The following CNOT11 variants were observed in gnomAD, a reference collection of about 807,000 sequenced individuals.
CNOT11 encodes the protein UPF0760 protein C2orf29.
A neutral mutation model predicts 44.6 loss-of-function variants in CNOT11; 18 were observed. That is an observed-to-expected ratio of 0.40 (90% CI 0.28 to 0.60). The LOEUF (loss-of-function observed/expected upper bound fraction) is 0.60. Among genes scored for constraint, CNOT11 ranks in the 20% least tolerant of loss-of-function variants. The pLI, the probability that CNOT11 is intolerant of heterozygous loss-of-function variation, is 0.38. For missense variants in CNOT11, 513 were observed against 677.0 expected (o/e 0.76, Z 2.69); for synonymous variants, 291 against 270.9 (o/e 1.07, Z -0.73).
chr2:101,263,065 T>C (rs1431998162), intron 3 of CNOT11, among the ~76,000 whole-genome samples: 2 of 151,920 alleles, frequency 1.3e-5, no homozygotes, highest in Non-Finnish European at 2.9e-5. Context: ...CTACTAAAAA[T>C]AAAAAATTAG....
At chr2:101,265,170 G>C (rs1038828253) in intron 4 of CNOT11, 123 bp downstream of exon 4, 2 of 568,618 alleles carry the variant, frequency 3.5e-6, no homozygotes, top group African/African-American at 3.8e-5. Flanking sequence ...GCACGATCTC[G>C]GCTCACTGCA....
At chr2:101,254,541 C>T (rs1343324324) in intron 1 of CNOT11, among the ~76,000 whole-genome samples, 1 of 152,088 alleles carries the variant, frequency 6.6e-6, no homozygotes, top group African/African-American at 2.4e-5. Flanking sequence ...TTCTAAGAAG[C>T]TTGTGACTGC....
At position 101,264,956 on chromosome 2, in the gene CNOT11, C is replaced by T. The variant is rs1259178591; in HGVS notation, c.944C>T (p.Ser315Leu). The change falls in exon 4 of 7, where the codon TCG (serine) becomes TTG (leucine). Residue 315 changes from serine (S) to leucine (L), a missense_variant. Ser to Leu is a moderately radical substitution (Grantham distance 145). This residue lies in a region of CNOT11 where 140 missense variants were observed against 169.8 expected (regional missense o/e 0.82). Transcript: ENST00000289382. ...EPDHAIQWDK[S>L]MCVKNSTGVE... is the part of the protein sequence containing the mutation. ...GACCACGCGATCCAGTGGGATAAATCGATGTGTGTTAAGAATAGCACTGGT... is the reference window on the plus strand; with the variant it reads ...GACCACGCGATCCAGTGGGATAAATTGATGTGTGTTAAGAATAGCACTGGT... 35 of 1,613,944 alleles carry T rather than the reference C, an allele frequency of 2.2e-5. No individual in the cohort carries two copies. The highest frequency in any genetic ancestry group is 3.0e-5 in the Non-Finnish European group (35 of 1,179,978).
Position 101,253,004 on chromosome 2 carries a change from C to T in CNOT11, c.40C>T (p.Leu14Phe), listed in dbSNP as rs1376213609. Residue 14 changes from leucine to phenylalanine, a missense_variant, in exon 1 of 7, where the codon CTC (leucine) becomes TTC (phenylalanine). Physicochemically the swap from Leu to Phe is conservative, Grantham distance 22 (BLOSUM62 0). This residue lies in a region of CNOT11 where 259 missense variants were observed against 265.7 expected (regional missense o/e 0.97). Transcript: ENST00000289382. This position sits in a 1 kb window ranked among gnomAD's most constrained non-coding sequence, Gnocchi z 4.3. ...GGASAASGRL[L>F]TAAEQRGSRE... Reference sequence around the variant, plus strand: ...GGCGAGCGCGGCGTCTGGCCGGCTTCTCACCGCCGCGGAGCAAAGAGGGTC... The same window carrying T: ...GGCGAGCGCGGCGTCTGGCCGGCTTTTCACCGCCGCGGAGCAAAGAGGGTC... 1 of 1,499,722 alleles carries T rather than the reference C, an allele frequency of 6.7e-7. No individual in the cohort carries two copies. Among genetic ancestry groups the T allele is most frequent in the Non-Finnish European group, 8.8e-7 (1 of 1,131,596 alleles). The allele number at this position is 1,499,722 out of a possible 1,614,324, so 92.9% of individuals were successfully genotyped here. A position where few individuals can be genotyped will look rare whatever the true frequency, so the allele number is the denominator to read the frequency against.
rs1347211108 is a variant in CNOT11 at position 101,264,872 on chromosome 2, C to T, written c.860C>T (p.Pro287Leu). The part of the protein sequence containing the change: ...ESHFRPEFIR[P>L]PPPLHICEDE... ...CATTTTCGACCAGAGTTTATTCGTC[C>T]ACCGCCTCCACTCCACATTTGTGAG... The change falls in exon 4 of 7, where the codon CCA becomes CTA. Residue 287 changes from proline to leucine, a missense_variant. Around this residue, in one of 4 missense-constraint regions of CNOT11, gnomAD observed 140 missense variants for 169.8 expected, o/e 0.82. Coordinates refer to ENST00000289382, the MANE Select transcript of CNOT11 (RefSeq NM_017546.5). The T allele has an allele frequency of 6.2e-7, 1 of 1,614,058 alleles. No homozygotes were observed. The highest frequency in any genetic ancestry group is 1.1e-5 in the South Asian group (1 of 91,072).
intron 4 of CNOT11, among the ~76,000 whole-genome samples, chr2:101,265,744 C>T (rs1263926708): frequency 1.3e-5 from 2 of 152,052 alleles, no homozygotes; most frequent in East Asian, 3.9e-4. Context: ...GAAAACAAGG[C>T]TGGGAAGGGG....
chr2:101,255,969 C>T (rs759485344), intron 1 of CNOT11, among the ~76,000 whole-genome samples: 1 of 152,086 alleles, frequency 6.6e-6, no homozygotes, highest in African/African-American at 2.4e-5. Flanking sequence ...GAAACCCCAT[C>T]TCTACCAAAA....
At chr2:101,254,051 T>C (rs1246803952) in intron 1 of CNOT11, among the ~76,000 whole-genome samples, 1 of 152,240 alleles carries the variant, frequency 6.6e-6, no homozygotes, top group Non-Finnish European at 1.5e-5. Context: ...ATACGTGGTA[T>C]ACATTATGTA....
chr2:101,264,681 C>T (rs1681939661), intron 3 of CNOT11, among the ~76,000 whole-genome samples, 164 bp from the exon 4 acceptor site: 1 of 152,130 alleles, frequency 6.6e-6, no homozygotes, highest in Non-Finnish European at 1.5e-5. Context: ...TGACTGAAAC[C>T]CTGACTTCCT....
rs989657898 is a variant in CNOT11, at chr2:101,269,861, A to C, written c.*448A>C. The C allele has an allele frequency of 6.4e-6, 1 of 155,088 alleles. No homozygotes were observed. Among genetic ancestry groups the C allele is most frequent in the African/African-American group, 2.4e-5 (1 of 41,488 alleles). 9.6% of individuals were successfully genotyped at this position (155,088 alleles called of 1,614,324 possible). On this transcript the variant is annotated 3_prime_UTR_variant, in exon 7 of 7. Transcript: ENST00000289382. This position sits in a 1 kb window ranked among gnomAD's most constrained non-coding sequence, Gnocchi z 4.8. ...CTGAACCATCAAGAGGCAAACAAAC[A>C]GGAGTTTGTTTCTTGAACCTGCTTA... is the stretch of plus-strand genomic sequence containing the variant.
chr2:101,256,638 A>G (rs1681739542), intron 1 of CNOT11, among the ~76,000 whole-genome samples: 1 of 152,218 alleles, frequency 6.6e-6, no homozygotes, highest in African/African-American at 2.4e-5. Flanking sequence ...TATTTATTCA[A>G]CTTCTACACA....
At chr2:101,265,782 G>A (rs1624668) in intron 4 of CNOT11, among the ~76,000 whole-genome samples, 22,262 of 152,028 alleles carry the variant, frequency 0.15, 2,095 homozygotes, top group South Asian at 0.31. Context: ...CAGCTGGATC[G>A]TGGTGTATTT....
Position 101,253,514 on chromosome 2 carries a change from G to T in CNOT11, c.514+36G>T. On this transcript the variant is annotated intron_variant, in intron 1 of 6. Coordinates refer to ENST00000289382, the MANE Select transcript of CNOT11 (RefSeq NM_017546.5). The surrounding 1 kb of genome is among the most constrained non-coding windows in gnomAD (Gnocchi z 4.3). ...AAGCCAGCTGTGCCGTGTGGATAGC[G>T]TTAGATTCCGCAGCTTTCCACCTGC... The T allele has an allele frequency of 7.1e-7, 1 of 1,401,282 alleles. No homozygotes were observed. The highest frequency in any genetic ancestry group is 9.2e-7 in the Non-Finnish European group (1 of 1,082,256). The allele number at this position is 1,401,282 out of a possible 1,614,324, so 86.8% of individuals were successfully genotyped here.
At position 101,264,010 on chromosome 2, in the gene CNOT11, G is replaced by A. The variant is rs1227119634; in HGVS notation, c.833-835G>A. On this transcript the variant is annotated intron_variant, in intron 3 of 6. Transcript: ENST00000289382. Reference sequence around the variant, plus strand: ...GTGAGGTAAGTGAAGAGGCAGTGGAGATGTTTAAGATAAAGTGATGATTTT... The same window carrying A: ...GTGAGGTAAGTGAAGAGGCAGTGGAAATGTTTAAGATAAAGTGATGATTTT... Among the ~76,000 whole-genome samples, 4 of 152,312 alleles carry A rather than the reference G, an allele frequency of 2.6e-5. No homozygotes were observed. The East Asian group carries it at 7.7e-4, about 29-fold the overall frequency.
At position 101,269,181 on chromosome 2, in the gene CNOT11, T is replaced by C. The variant is rs762705112; in HGVS notation, c.1336-35T>C. On this transcript the variant is annotated intron_variant, in intron 6 of 6. Coordinates refer to ENST00000289382, the MANE Select transcript of CNOT11 (RefSeq NM_017546.5). The surrounding 1 kb of genome is among the most constrained non-coding windows in gnomAD (Gnocchi z 4.8). ...ATTTTATAAATGGCTGCCAGGAAAA[T>C]GAGCAGACTAACATTTTTTTTTTTC... 4 of 1,602,458 alleles carry C rather than the reference T, an allele frequency of 2.5e-6. No homozygotes were observed. Among genetic ancestry groups the C allele is most frequent in the Admixed American group, 3.4e-5 (2 of 58,234 alleles).
intron 3 of CNOT11, among the ~76,000 whole-genome samples, chr2:101,263,557 T>C (rs1681915372): frequency 6.6e-6 from 1 of 152,228 alleles, no homozygotes; most frequent in South Asian, 2.1e-4. Flanking sequence ...ATCTGTTTTA[T>C]AGGCTTCTGT....
intron 5 of CNOT11, among the ~76,000 whole-genome samples, chr2:101,268,150 CA>C (rs1279531070): frequency 1.3e-5 from 2 of 152,320 alleles, no homozygotes; most frequent in African/African-American, 4.8e-5. Context: ...TAACCGTGGT[CA>C]CTGGCAAAAC....
rs748974138 is a variant in CNOT11, at chr2:101,252,972, G to A, written c.8G>A (p.Gly3Asp). 97 of 1,481,788 alleles carry A rather than the reference G, an allele frequency of 6.5e-5. No homozygotes were observed. Among genetic ancestry groups the A allele is most frequent in the Non-Finnish European group, 8.5e-5 (95 of 1,124,114 alleles). The allele number at this position is 1,481,788 out of a possible 1,614,324, so 91.8% of individuals were successfully genotyped here. MP[G>D]GGASAASGRL... ...GGAAGGGGAGCGAGGTTGATGCCCGGCGGAGGGGCGAGCGCGGCGTCTGGC... is the reference window on the plus strand; with the variant it reads ...GGAAGGGGAGCGAGGTTGATGCCCGACGGAGGGGCGAGCGCGGCGTCTGGC... The change falls in exon 1 of 7, where the codon GGC becomes GAC. Residue 3 changes from glycine (G) to aspartate (D), a missense_variant. Transcript: ENST00000289382.
At chr2:101,255,586 T>C (rs1309965153) in intron 1 of CNOT11, among the ~76,000 whole-genome samples, 2 of 151,516 alleles carry the variant, frequency 1.3e-5, no homozygotes, top group East Asian at 3.9e-4. Context: ...GAAGAGAAAA[T>C]ATCAGTGCCT....
Sources: allele counts gnomAD v4.1 joint callset (sites outside exome capture counted in the v4.1 genomes callset), GRCh38; gene constraint gnomAD v4.1.1; regional missense constraint gnomAD v4.1.1; non-coding constraint Gnocchi (gnomAD v3.1); transcripts MANE v1.5; gene names NCBI Gene and HGNC (gene_info 2026-07-23, HGNC 2026-07-21).